The following CPNE4 variants were observed in gnomAD, a reference collection of about 807,000 sequenced individuals.
CPNE4 encodes copine-4.
Under a neutral mutation model 67.9 loss-of-function variants are expected in CPNE4, and 25 were observed. That is an observed-to-expected ratio of 0.37 (90% confidence interval 0.27 to 0.51). The LOEUF (loss-of-function observed/expected upper bound fraction) is 0.51. Ranked by LOEUF, CPNE4 falls within the 20% of genes least tolerant of loss-of-function variation. The pLI is 0.93. For missense variants in CPNE4, 464 were observed against 690.8 expected (o/e 0.67, Z 3.68); for synonymous variants, 242 against 244.9 (o/e 0.99, Z 0.11).
At chr3:131,574,675 C>CA (rs1937506441) in intron 10 of CPNE4, among the ~76,000 whole-genome samples, 2 of 152,144 alleles carry the variant, frequency 1.3e-5, no homozygotes, top group Non-Finnish European at 2.9e-5. Context: ...GTCACATGAA[C>CA]ACAACCATGG....
intron 2 of CPNE4, among the ~76,000 whole-genome samples, chr3:131,875,377 C>T (rs1023968563): frequency 2.6e-5 from 4 of 152,156 alleles, no homozygotes; most frequent in Admixed American, 1.3e-4. Context: ...AAGACACATG[C>T]ACATGTATGT....
At chr3:131,722,624 T>G (rs1291198692) in intron 3 of CPNE4, among the ~76,000 whole-genome samples, 1 of 152,190 alleles carries the variant, frequency 6.6e-6, no homozygotes, top group Non-Finnish European at 1.5e-5. Flanking sequence ...TCTACGACCT[T>G]GTATAGAGAG....
chr3:131,924,378 T>C (rs572480811), intron 1 of CPNE4, among the ~76,000 whole-genome samples: 24 of 152,210 alleles, frequency 1.6e-4, no homozygotes, highest in African/African-American at 4.8e-4. Context: ...CCAAATATCA[T>C]AGACATCATC....
chr3:131,550,296 C>T (rs755799337), intron 13 of CPNE4, among the ~76,000 whole-genome samples: 9 of 152,100 alleles, frequency 5.9e-5, no homozygotes, highest in Non-Finnish European at 8.8e-5. Flanking sequence ...TCAAAAGCAA[C>T]GATTTCCACA....
chr3:131,845,138 C>G (rs1018494237), intron 2 of CPNE4, among the ~76,000 whole-genome samples: 6 of 152,156 alleles, frequency 3.9e-5, no homozygotes. Flanking sequence ...GATTTAAGAC[C>G]TGCTTAAAAG....
chr3:131,646,774 C>T (rs2079677644), intron 7 of CPNE4, among the ~76,000 whole-genome samples: 1 of 152,148 alleles, frequency 6.6e-6, no homozygotes, highest in Non-Finnish European at 1.5e-5. Flanking sequence ...ATCAAATGAG[C>T]TGGTTGAAGA....
chr3:131,922,483 A>T (rs2070768752), intron 1 of CPNE4, among the ~76,000 whole-genome samples: 1 of 152,190 alleles, frequency 6.6e-6, no homozygotes, highest in African/African-American at 2.4e-5. Context: ...GCCTGATCTA[A>T]ATTTGGAGAG....
chr3:131,944,241 A>G (rs2107866326), intron 1 of CPNE4, among the ~76,000 whole-genome samples: 1 of 152,064 alleles, frequency 6.6e-6, no homozygotes, highest in South Asian at 2.1e-4. Context: ...TTTTCCAGAA[A>G]AGAATACATG....
chr3:131,753,185 A>G (rs2082672420), intron 2 of CPNE4, among the ~76,000 whole-genome samples: 1 of 151,920 alleles, frequency 6.6e-6, no homozygotes, highest in Non-Finnish European at 1.5e-5. Context: ...GAAATAAATT[A>G]TGTAATAAGT....
At chr3:131,970,464 T>C (rs1253305388) in intron 1 of CPNE4, among the ~76,000 whole-genome samples, 1 of 152,224 alleles carries the variant, frequency 6.6e-6, no homozygotes, top group East Asian at 1.9e-4. Context: ...ATTTTTTTCT[T>C]AGAAATTGGT....
chr3:131,648,973 G>T (rs1257017336), intron 7 of CPNE4, among the ~76,000 whole-genome samples: 1 of 152,156 alleles, frequency 6.6e-6, no homozygotes, highest in East Asian at 1.9e-4. Flanking sequence ...CTCCAGCAAG[G>T]CAAGCATGGA....
At chr3:131,626,932 C>T (rs148478021) in intron 7 of CPNE4, among the ~76,000 whole-genome samples, 90 of 152,190 alleles carry the variant, frequency 5.9e-4, no homozygotes, top group East Asian at 2.9e-3. Context: ...CGGTGGCTCA[C>T]GCCTGTAATG....
At position 131,759,826 on chromosome 3, in the gene CPNE4, A is replaced by G. The variant is rs2082845230; in HGVS notation, c.181-36201T>C. Among the ~76,000 whole-genome samples, 4 of 152,200 alleles carry G rather than the reference A, an allele frequency of 2.6e-5. No homozygotes were observed. The South Asian group carries it at 8.3e-4, about 32-fold the overall frequency. Reference sequence around the variant, plus strand: ...TGAGAAATGAGAAAATTTCAGCACTATTCCTCCCACAAATGTGAATAAATC... The same window carrying G: ...TGAGAAATGAGAAAATTTCAGCACTGTTCCTCCCACAAATGTGAATAAATC... On this transcript the variant is annotated intron_variant, in intron 2 of 15. Coordinates refer to ENST00000429747, the MANE Select transcript of CPNE4 (RefSeq NM_130808.3).
intron 2 of CPNE4, among the ~76,000 whole-genome samples, chr3:131,840,617 G>T (rs2085737712): frequency 6.6e-6 from 1 of 152,184 alleles, no homozygotes; most frequent in Admixed American, 6.5e-5. Flanking sequence ...GTTCTTGGCA[G>T]CCCTTTGAGG....
chr3:131,775,714 G>A (rs1038400997), intron 2 of CPNE4, among the ~76,000 whole-genome samples: 2 of 152,156 alleles, frequency 1.3e-5, no homozygotes, highest in Non-Finnish European at 2.9e-5. Context: ...AACTGTGAGT[G>A]CATTAAACCT....
At chr3:131,694,059 G>T (rs2081093284) in intron 5 of CPNE4, among the ~76,000 whole-genome samples, 1 of 152,116 alleles carries the variant, frequency 6.6e-6, no homozygotes, top group African/African-American at 2.4e-5. Context: ...CAGAGTTACT[G>T]CCAAGGGACT....
intron 2 of CPNE4, among the ~76,000 whole-genome samples, chr3:131,838,913 TAA>T (rs977878831): frequency 6.6e-6 from 1 of 151,886 alleles, no homozygotes; most frequent in African/African-American, 2.4e-5. Flanking sequence ...TTCTGAGTTA[TAA>T]GTTTTCTTAG....
intron 7 of CPNE4, among the ~76,000 whole-genome samples, chr3:131,625,121 C>A (rs2079041916): frequency 1.3e-5 from 2 of 152,118 alleles, no homozygotes; most frequent in African/African-American, 4.8e-5. Context: ...GCCAGGGTCT[C>A]ATATATAACT....
intron 1 of CPNE4, among the ~76,000 whole-genome samples, chr3:131,919,615 T>C (rs779479833): frequency 6.6e-6 from 1 of 152,212 alleles, no homozygotes; most frequent in Non-Finnish European, 1.5e-5. Context: ...GGGTTTGCTT[T>C]GTAAAATTCA....
Sources: gnomAD v4.1 joint callset for allele counts (sites outside exome capture counted in the v4.1 genomes callset) on GRCh38, gnomAD v4.1.1 for gene constraint, MANE v1.5 for transcripts, NCBI Gene and HGNC (gene_info 2026-07-23, HGNC 2026-07-21) for gene names.